CTNNA3: variants seen among roughly 807,000 people sequenced by gnomAD.
CTNNA3 encodes catenin alpha-3.
Under a neutral mutation model 95.7 loss-of-function variants are expected in CTNNA3, and 76 were observed. The ratio of observed to expected loss-of-function variants is 0.79; its 90% CI spans 0.66 to 0.96. The LOEUF (loss-of-function observed/expected upper bound fraction) is 0.96. Ranked by LOEUF, CTNNA3 falls within the 40% of genes least tolerant of loss-of-function variation. CTNNA3 has a pLI of 0.00. For missense variants in CTNNA3, 1,191 were observed against 1,089.8 expected (o/e 1.09, Z -1.31); for synonymous variants, 431 against 374.4 (o/e 1.15, Z -1.74).
chr10:67,367,944 T>C (rs1289840837), intron 5 of CTNNA3, among the ~76,000 whole-genome samples: 3 of 152,082 alleles, frequency 2.0e-5, no homozygotes. Flanking sequence ...CTATGCTCAG[T>C]ATGTGGGTGA....
chr10:65,974,125 T>A (rs990285135), intron 16 of CTNNA3, among the ~76,000 whole-genome samples: 6 of 152,178 alleles, frequency 3.9e-5, no homozygotes, highest in Admixed American at 3.3e-4. Context: ...AAGGGAACAC[T>A]TTATAAACTA....
chr10:67,574,506 T>G (rs1269968345), intron 3 of CTNNA3, among the ~76,000 whole-genome samples: 1 of 152,066 alleles, frequency 6.6e-6, no homozygotes, highest in East Asian at 1.9e-4. Context: ...CCCCCTTTAC[T>G]TCTGCATTCC....
At position 66,856,414 on chromosome 10, in the gene CTNNA3, T is replaced by C. The variant is rs137976997; in HGVS notation, c.1048-80890A>G. On this transcript the variant is annotated intron_variant, in intron 7 of 17. Coordinates refer to ENST00000433211, the MANE Select transcript of CTNNA3 (RefSeq NM_013266.4). ...TTATGGTAGAACAATTTATATTCCCTTGGGTATATAACCAATAATGAGATT... is the reference window on the plus strand; with the variant it reads ...TTATGGTAGAACAATTTATATTCCCCTGGGTATATAACCAATAATGAGATT... Among the ~76,000 whole-genome samples the C allele has an allele frequency of 2.0e-5, 3 of 152,188 alleles. No homozygotes were observed. The East Asian group carries it at 5.8e-4, about 29-fold the overall frequency.
intron 13 of CTNNA3, among the ~76,000 whole-genome samples, chr10:66,267,911 T>G (rs1210949065): frequency 6.6e-6 from 1 of 152,178 alleles, no homozygotes; most frequent in Non-Finnish European, 1.5e-5. Context: ...TTCTATTCAC[T>G]AAAATATTTG....
chr10:67,353,486 T>TAA (rs1491014552), intron 5 of CTNNA3, among the ~76,000 whole-genome samples: 1,206 of 11,464 alleles, frequency 0.11, 26 homozygotes, highest in Admixed American at 0.16. Context: ...GCACGTTACA[T>TAA]AGTCTTAAAG....
chr10:67,581,916 C>A (rs938543323), intron 3 of CTNNA3, among the ~76,000 whole-genome samples: 1 of 152,080 alleles, frequency 6.6e-6, no homozygotes, highest in East Asian at 1.9e-4. Flanking sequence ...TCCCCTTTAT[C>A]ATTTTTTATG....
intron 1 of CTNNA3, among the ~76,000 whole-genome samples, chr10:67,711,541 A>G (rs1841108534): frequency 6.6e-6 from 1 of 151,978 alleles, no homozygotes; most frequent in Non-Finnish European, 1.5e-5. Context: ...AACTTGAGAG[A>G]GATGATTTAG....
intron 3 of CTNNA3, among the ~76,000 whole-genome samples, chr10:67,583,851 C>A (rs1424521975): frequency 1.3e-5 from 2 of 152,152 alleles, no homozygotes; most frequent in African/African-American, 2.4e-5. Context: ...TTGATTGAAT[C>A]GGCTACTGAA....
At chr10:66,359,028 A>T (rs1288616285) in intron 12 of CTNNA3, among the ~76,000 whole-genome samples, 1 of 152,210 alleles carries the variant, frequency 6.6e-6, no homozygotes, top group East Asian at 1.9e-4. Flanking sequence ...AAAGATTTGA[A>T]TCATGCTCTC....
Position 66,638,945 on chromosome 10 carries a change from GT to G in CTNNA3, c.1282-17162del, listed in dbSNP as rs906655425. Among the ~76,000 whole-genome samples the G allele has an allele frequency of 6.2e-4, 92 of 147,858 alleles. 1 individual carries two copies. Among genetic ancestry groups the G allele is most frequent in the Non-Finnish European group, 8.3e-4 (56 of 67,688 alleles). ...GTAAATAAAACATAACAAACAATAT[GT>G]TTTTTTTAATCTTTGCACTTTAAAC... On this transcript the variant is annotated intron_variant, in intron 9 of 17. Coordinates refer to ENST00000433211, the MANE Select transcript of CTNNA3 (RefSeq NM_013266.4).
chr10:66,961,861 TC>T (rs907303621), intron 7 of CTNNA3, among the ~76,000 whole-genome samples: 33 of 152,292 alleles, frequency 2.2e-4, no homozygotes, highest in African/African-American at 7.9e-4. Flanking sequence ...TCTAATATTC[TC>T]CAGTCCAGTT....
At chr10:67,302,361 T>A (rs1287434408) in intron 5 of CTNNA3, among the ~76,000 whole-genome samples, 1 of 152,146 alleles carries the variant, frequency 6.6e-6, no homozygotes, top group Non-Finnish European at 1.5e-5. Flanking sequence ...TTGTACAATA[T>A]GGTGACTACA....
intron 7 of CTNNA3, among the ~76,000 whole-genome samples, chr10:67,163,987 A>T (rs540778539): frequency 1.3e-5 from 2 of 152,168 alleles, no homozygotes; most frequent in East Asian, 3.9e-4. Context: ...GATCTAATTG[A>T]ATGGAGAGAC....
Position 65,915,335 on chromosome 10 carries a change from T to C in CTNNA3, c.*4995A>G, listed in dbSNP as rs776596589. 3.3e-5 allele frequency: 5 copies of C among 152,050 alleles called. No homozygotes were observed. Among genetic ancestry groups the C allele is most frequent in the Non-Finnish European group, 5.9e-5 (4 of 67,990 alleles). The allele number at this position is 152,050 out of a possible 1,614,324, so 9.4% of individuals were successfully genotyped here. A position where few individuals can be genotyped will look rare whatever the true frequency, so the allele number is the denominator to read the frequency against. ...CCAAACCACCAAGACAAGTGTCTCA[T>C]TCTATCCTTAATACTTTCCTCAGGA... On this transcript the variant is annotated 3_prime_UTR_variant, in exon 18 of 18. Coordinates refer to ENST00000433211, the MANE Select transcript of CTNNA3 (RefSeq NM_013266.4).
chr10:66,398,916 T>A (rs1415879001), intron 11 of CTNNA3, among the ~76,000 whole-genome samples: 2 of 152,014 alleles, frequency 1.3e-5, no homozygotes, highest in Non-Finnish European at 2.9e-5. Flanking sequence ...CATTTAAGCA[T>A]CTCTGCATGA....
intron 7 of CTNNA3, among the ~76,000 whole-genome samples, chr10:66,940,438 C>CACT (rs1311983472): frequency 1.3e-5 from 2 of 152,160 alleles, no homozygotes; most frequent in African/African-American, 4.8e-5. Context: ...TGCACCACTG[C>CACT]ACTCCAGCCT....
At chr10:67,013,474 A>G (rs1478744919) in intron 7 of CTNNA3, among the ~76,000 whole-genome samples, 3 of 152,204 alleles carry the variant, frequency 2.0e-5, no homozygotes, top group African/African-American at 7.2e-5. Context: ...TCAGACATGC[A>G]ATGCTATTTC....
intron 13 of CTNNA3, among the ~76,000 whole-genome samples, chr10:66,154,736 A>G (rs2084396258): frequency 7.0e-6 from 1 of 142,250 alleles, no homozygotes; most frequent in South Asian, 2.2e-4. Context: ...ATATATATAT[A>G]TATATTTCCC....
intron 7 of CTNNA3, among the ~76,000 whole-genome samples, chr10:67,109,824 CAGAG>C (rs1271877675): frequency 6.6e-6 from 1 of 152,058 alleles, no homozygotes; most frequent in Non-Finnish European, 1.5e-5. Flanking sequence ...GCCTGGGCAA[CAGAG>C]AGAGACTCAA....
Sources: allele counts gnomAD v4.1 joint callset (sites outside exome capture counted in the v4.1 genomes callset), GRCh38; gene constraint gnomAD v4.1.1; transcripts MANE v1.5; gene names NCBI Gene and HGNC (gene_info 2026-07-23, HGNC 2026-07-21).